The following SETD2 variants were observed in gnomAD, a reference collection of about 807,000 sequenced individuals.
SETD2 encodes SET domain containing 2, histone lysine methyltransferase.
In SETD2, 31 loss-of-function variants were observed where a neutral mutation model predicts 242.1. That is an observed-to-expected ratio of 0.13 (90% confidence interval 0.10 to 0.17). The LOEUF (loss-of-function observed/expected upper bound fraction) is 0.17. Among genes scored for constraint, SETD2 ranks in the 10% least tolerant of loss-of-function variants. The pLI is 1.00. For missense variants in SETD2, 2,481 were observed against 3,046.3 expected (o/e 0.81, Z 4.37); for synonymous variants, 1,006 against 1,066.5 (o/e 0.94, Z 1.11).
At chr3:47,103,483 C>T (rs967694128) in intron 6 of SETD2, 60 bp from the exon 7 acceptor site, 29 of 1,154,960 alleles carry the variant, frequency 2.5e-5, no homozygotes, top group Non-Finnish European at 3.3e-5. Flanking sequence ...CATGCAATTA[C>T]CTGCAAAACT....
chr3:47,043,355 A>C (rs1484992186), intron 16 of SETD2, among the ~76,000 whole-genome samples: 1 of 152,156 alleles, frequency 6.6e-6, no homozygotes, highest in Non-Finnish European at 1.5e-5. Flanking sequence ...GAGAACTGAC[A>C]CCAGAGGACA....
At position 47,125,630 on chromosome 3, in the gene SETD2, A is replaced by G. The variant is rs371965487; in HGVS notation, c.87+1018T>C. On this transcript the variant is annotated intron_variant, in intron 2 of 20. Transcript: ENST00000409792. Reference sequence around the variant, plus strand: ...TTCCTGGAGAGTACTCTGCCTTGGCACATATCACTGTCTCTGCCTGGGCCC... The same window carrying G: ...TTCCTGGAGAGTACTCTGCCTTGGCGCATATCACTGTCTCTGCCTGGGCCC... 7.9e-5 allele frequency among the ~76,000 whole-genome samples: 12 copies of G among 152,312 alleles called. No individual in the cohort carries two copies. In the East Asian group the frequency reaches 1.9e-3, roughly 25 times the overall value.
intron 15 of SETD2, among the ~76,000 whole-genome samples, chr3:47,051,171 C>T (rs543173736): frequency 6.6e-6 from 1 of 152,046 alleles, no homozygotes; most frequent in South Asian, 2.1e-4. Context: ...GTGGTGCCAT[C>T]AAGGCTCACA....
At chr3:47,107,720 C>CGGCGGGGGGCGGGGGGG (rs1177164556) in intron 5 of SETD2, among the ~76,000 whole-genome samples, 1 of 129,768 alleles carries the variant, frequency 7.7e-6, no homozygotes, top group African/African-American at 2.8e-5. Context: ...CTTTGGGTGG[C>CGGCGGGGGGCGGGGGGG]GGGGGGGGGT....
intron 1 of SETD2, among the ~76,000 whole-genome samples, chr3:47,146,972 G>A (rs2043870706): frequency 6.6e-6 from 1 of 151,900 alleles, no homozygotes; most frequent in Admixed American, 6.6e-5. Flanking sequence ...TATAGTGCCT[G>A]GCAGAGAGTT....
At chr3:47,142,019 A>T (rs1021437189) in intron 1 of SETD2, among the ~76,000 whole-genome samples, 2 of 152,222 alleles carry the variant, frequency 1.3e-5, no homozygotes, top group Non-Finnish European at 1.5e-5. Context: ...ATAATATAGG[A>T]TGATTGTGAA....
intron 5 of SETD2, among the ~76,000 whole-genome samples, chr3:47,108,635 C>T (rs962222669): frequency 6.6e-6 from 1 of 152,166 alleles, no homozygotes; most frequent in African/African-American, 2.4e-5. Context: ...CAGTAAATCA[C>T]TCAGAGTAGA....
At chr3:47,074,331 G>T (rs540113780) in intron 12 of SETD2, among the ~76,000 whole-genome samples, 1 of 152,230 alleles carries the variant, frequency 6.6e-6, no homozygotes, top group South Asian at 2.1e-4. Context: ...GGGTAGGGAG[G>T]AAACATTTCA....
rs186231087 is a variant in SETD2 at position 47,059,983 on chromosome 3, C to G, written c.6293+2180G>C. On this transcript the variant is annotated intron_variant, in intron 14 of 20. Coordinates refer to ENST00000409792, the MANE Select transcript of SETD2 (RefSeq NM_014159.7). ...TATTTTTAATAAAGACGGGGTTTCA[C>G]CATGTTGACCAGGCTAGTCTTGAAC... Among the ~76,000 whole-genome samples, 258 of 152,268 alleles carry G rather than the reference C, an allele frequency of 1.7e-3. 2 individuals are homozygous for G. The highest frequency in any genetic ancestry group is 3.4e-3 in the Middle Eastern group (1 of 294).
chr3:47,150,999 C>T (rs1189608345), intron 1 of SETD2, among the ~76,000 whole-genome samples: 1 of 151,558 alleles, frequency 6.6e-6, no homozygotes, highest in African/African-American at 2.4e-5. Flanking sequence ...AACAATGCTG[C>T]TGGTAATCAA....
chr3:47,046,748 G>A, intron 15 of SETD2, 127 bp from the exon 16 acceptor site: 2 of 747,402 alleles, frequency 2.7e-6, no homozygotes, highest in Non-Finnish European at 3.7e-6. Flanking sequence ...TTATATATTT[G>A]GACATAAATG....
intron 1 of SETD2, among the ~76,000 whole-genome samples, chr3:47,163,128 G>A (rs1243714093): frequency 6.6e-6 from 1 of 152,208 alleles, no homozygotes; most frequent in Admixed American, 6.5e-5. Context: ...ATGTCCCTCA[G>A]GAGGCTTTCA....
intron 15 of SETD2, chr3:47,046,933 A>C (rs2039558250): frequency 5.7e-6 from 1 of 174,820 alleles, no homozygotes; most frequent in Non-Finnish European, 1.2e-5. Flanking sequence ...TGAAAATTAA[A>C]CAGGTGGACA....
Position 47,062,145 on chromosome 3 carries a change from C to T in SETD2, c.6293+18G>A, listed in dbSNP as rs369238189. The T allele has an allele frequency of 8.1e-6, 13 of 1,600,104 alleles. No homozygotes were observed. The highest frequency in any genetic ancestry group is 1.1e-5 in the Non-Finnish European group (13 of 1,176,074). Reference sequence around the variant, plus strand: ...CAAAACAAAAACAAAAACAAAAAAACTCACACAGGCCACTTACCTGTCATC... The same window carrying T: ...CAAAACAAAAACAAAAACAAAAAAATTCACACAGGCCACTTACCTGTCATC... On this transcript the variant is annotated intron_variant, in intron 14 of 20. Transcript: ENST00000409792.
intron 15 of SETD2, among the ~76,000 whole-genome samples, chr3:47,056,006 C>T (rs1318260798): frequency 4.5e-5 from 2 of 44,614 alleles, no homozygotes; most frequent in African/African-American, 9.8e-5. Context: ...GAGCGAGACT[C>T]CGTCTCAAAA....
chr3:47,077,008 CAAG>C (rs566602910), intron 12 of SETD2, among the ~76,000 whole-genome samples: 59 of 152,220 alleles, frequency 3.9e-4, no homozygotes, highest in Non-Finnish European at 4.9e-4. Context: ...AGAATGAGAG[CAAG>C]AAGGATAAAT....
At chr3:47,076,245 T>C (rs959009556) in intron 12 of SETD2, among the ~76,000 whole-genome samples, 1 of 152,190 alleles carries the variant, frequency 6.6e-6, no homozygotes, top group Non-Finnish European at 1.5e-5. Flanking sequence ...TGTGTGTGAA[T>C]ATTAGCAGCA....
chr3:47,037,901 T>C (rs2039092072), intron 17 of SETD2, 124 bp from the exon 18 acceptor site: 1 of 688,428 alleles, frequency 1.5e-6, no homozygotes, highest in Admixed American at 2.3e-5. Context: ...GTCAGCTCCA[T>C]GAGTTAAAGA....
rs963351971 is a variant in SETD2 at position 47,161,343 on chromosome 3, C to T, written c.71+2511G>A. ...CCCAAGTTCAGAGAGATGAAGTCAT[C>T]GTCCAAGGTTAAAATAGTGTTCAGA... On this transcript the variant is annotated intron_variant, in intron 1 of 20. Transcript: ENST00000409792. 2.6e-5 allele frequency among the ~76,000 whole-genome samples: 4 copies of T among 152,114 alleles called. No individual in the cohort carries two copies. The East Asian group carries it at 7.7e-4, about 29-fold the overall frequency.
Sources: allele counts gnomAD v4.1 joint callset (sites outside exome capture counted in the v4.1 genomes callset), GRCh38; gene constraint gnomAD v4.1.1; transcripts MANE v1.5; gene names NCBI Gene and HGNC (gene_info 2026-07-23, HGNC 2026-07-21).